The following ZBTB10 variants were observed in gnomAD, a reference collection of about 807,000 sequenced individuals.
ZBTB10 encodes the protein zinc finger and BTB domain containing 10.
Under a neutral mutation model 76.4 loss-of-function variants are expected in ZBTB10, and 32 were observed. The ratio of observed to expected loss-of-function variants is 0.42; its 90% CI spans 0.32 to 0.56. The LOEUF (loss-of-function observed/expected upper bound fraction) is 0.56, where lower values mean the gene tolerates loss of function less well. Among genes scored for constraint, ZBTB10 ranks in the 20% least tolerant of loss-of-function variants. ZBTB10 has a pLI of 0.14. For missense variants in ZBTB10, 1,057 were observed against 1,098.5 expected (o/e 0.96, Z 0.53); for synonymous variants, 523 against 432.9 (o/e 1.21, Z -2.58).
intron 2 of ZBTB10, among the ~76,000 whole-genome samples, chr8:80,505,914 AATTT>A (rs1458971623): frequency 1.7e-5 from 2 of 117,256 alleles, no homozygotes; most frequent in African/African-American, 9.7e-5. Context: ...ATGCCTGGCT[AATTT>A]TTTTTTTTTT....
intron 2 of ZBTB10, among the ~76,000 whole-genome samples, chr8:80,507,199 T>A (rs1563463471): frequency 6.6e-6 from 1 of 151,754 alleles, no homozygotes; most frequent in East Asian, 2.0e-4. Context: ...TCCCAGCTAC[T>A]CGGGAGGCTG....
upstream of ZBTB10, chr8:80,485,841 C>T (rs1481100318): frequency 3.1e-5 from 47 of 1,535,892 alleles, no homozygotes; most frequent in Non-Finnish European, 3.9e-5. Context: ...CCCAGGTGAA[C>T]TCGTGGCGAG....
Position 80,520,375 on chromosome 8 carries a change from G to T in ZBTB10, c.*847G>T, listed in dbSNP as rs1207986819. On this transcript the variant is annotated 3_prime_UTR_variant, in exon 6 of 6. Coordinates refer to ENST00000455036, the MANE Select transcript of ZBTB10 (RefSeq NM_001105539.3). ...TTTTCTGACATGGTATTTGGTTTTGGGTATCTGTTACTTTGGCACTATTCT... is the reference window on the plus strand; with the variant it reads ...TTTTCTGACATGGTATTTGGTTTTGTGTATCTGTTACTTTGGCACTATTCT... The T allele has an allele frequency of 1.3e-5, 2 of 152,208 alleles. No individual in the cohort carries two copies. The highest frequency in any genetic ancestry group is 2.9e-5 in the Non-Finnish European group (2 of 67,862). The allele number at this position is 152,208 out of a possible 1,614,324, so 9.4% of individuals were successfully genotyped here. A position where few individuals can be genotyped will look rare whatever the true frequency, so the allele number is the denominator to read the frequency against.
Position 80,519,733 on chromosome 8 carries a change from G to A in ZBTB10, c.*205G>A. On this transcript the variant is annotated 3_prime_UTR_variant, in exon 6 of 6. Transcript: ENST00000455036. Reference sequence around the variant, plus strand: ...CTATACAGCAAACAACCATGTGGTTGGATTACATGGAGTCCCCACATACTC... The same window carrying A: ...CTATACAGCAAACAACCATGTGGTTAGATTACATGGAGTCCCCACATACTC... 2 of 483,642 alleles carry A rather than the reference G, an allele frequency of 4.1e-6. No individual in the cohort carries two copies. The highest frequency in any genetic ancestry group is 4.2e-5 in the South Asian group (1 of 23,768). 30.0% of individuals were successfully genotyped at this position (483,642 alleles called of 1,614,324 possible).
At chr8:80,513,831 C>T in intron 2 of ZBTB10, 79 bp from the exon 3 acceptor site, 1 of 1,097,044 alleles carries the variant, frequency 9.1e-7, no homozygotes, top group East Asian at 2.5e-5. Flanking sequence ...ATTTAAGAAA[C>T]AGTTCCAAGA....
chr8:80,509,968 C>G (rs1280689394), intron 2 of ZBTB10, among the ~76,000 whole-genome samples: 1 of 151,934 alleles, frequency 6.6e-6, no homozygotes, highest in Non-Finnish European at 1.5e-5. Flanking sequence ...AATAGTACCT[C>G]TCATGAAGAT....
intron 2 of ZBTB10, among the ~76,000 whole-genome samples, chr8:80,507,762 A>AT (rs1219758377): frequency 2.6e-5 from 4 of 151,768 alleles, no homozygotes; most frequent in Admixed American, 2.0e-4. Flanking sequence ...CTCTTGGCTA[A>AT]TTTTTTTTAG....
chr8:80,510,183 A>T (rs146853226), intron 2 of ZBTB10, among the ~76,000 whole-genome samples: 127 of 152,338 alleles, frequency 8.3e-4, no homozygotes, highest in African/African-American at 2.9e-3. Context: ...AGTGGAATTA[A>T]TGTTTATTTT....
At position 80,519,911 on chromosome 8, in the gene ZBTB10, A is replaced by G. The variant is rs984377417; in HGVS notation, c.*383A>G. On this transcript the variant is annotated 3_prime_UTR_variant, in exon 6 of 6. Coordinates refer to ENST00000455036, the MANE Select transcript of ZBTB10 (RefSeq NM_001105539.3). ...ATGGAAGTACAGTGACAATTGACCCAATCACTCTGTCCATCAAACCACTCA... is the reference window on the plus strand; with the variant it reads ...ATGGAAGTACAGTGACAATTGACCCGATCACTCTGTCCATCAAACCACTCA... The G allele has an allele frequency of 1.9e-5, 3 of 160,370 alleles. No individual in the cohort carries two copies. The highest frequency in any genetic ancestry group is 7.2e-5 in the African/African-American group (3 of 41,554). 9.9% of individuals were successfully genotyped at this position (160,370 alleles called of 1,614,324 possible). A position where few individuals can be genotyped will look rare whatever the true frequency, so the allele number is the denominator to read the frequency against.
chr8:80,495,468 C>T (rs1815759430), intron 1 of ZBTB10, among the ~76,000 whole-genome samples: 1 of 150,970 alleles, frequency 6.6e-6, no homozygotes, highest in South Asian at 2.1e-4. Flanking sequence ...ATCCACCCAT[C>T]CCACTCTTGG....
chr8:80,488,493 AAG>A (rs1815541595), intron 1 of ZBTB10, among the ~76,000 whole-genome samples: 1 of 152,240 alleles, frequency 6.6e-6, no homozygotes, highest in East Asian at 1.9e-4. Flanking sequence ...CCTTTTCAGA[AAG>A]ATTTTTAAAT....
At position 80,499,932 on chromosome 8, in the gene ZBTB10, G is replaced by A. The variant is rs1815878248; in HGVS notation, c.1411G>A (p.Ala471Thr). 6 of 1,613,896 alleles carry A rather than the reference G, an allele frequency of 3.7e-6. No homozygotes were observed. Among genetic ancestry groups the A allele is most frequent in the Non-Finnish European group, 5.1e-6 (6 of 1,179,874 alleles). ...CTTAAATATAAGCATTAAATCAGAA[G>A]CTCCAGAGTCTGTAGTTGTGGACTA... ...DALNISIKSEAPESVVVDYNN... is the reference protein window; with the variant it reads ...DALNISIKSETPESVVVDYNN... Residue 471 changes from alanine (A) to threonine (T), a missense_variant, in exon 2 of 6, where the codon GCT becomes ACT. This residue lies in a region of ZBTB10 where 306 missense variants were observed against 297.5 expected (regional missense o/e 1.03). Coordinates refer to ENST00000455036, the MANE Select transcript of ZBTB10 (RefSeq NM_001105539.3).
rs549834147 is a variant in ZBTB10, at chr8:80,506,351, T to C, written c.1861+5969T>C. ...TTTTTTTGAGATAGAGTTTCACTCT[T>C]GTTGCCCAGGCTGGAGTGCAGTGGC... On this transcript the variant is annotated intron_variant, in intron 2 of 5. Coordinates refer to ENST00000455036, the MANE Select transcript of ZBTB10 (RefSeq NM_001105539.3). Among the ~76,000 whole-genome samples the C allele has an allele frequency of 1.8e-4, 27 of 152,258 alleles. No individual in the cohort carries two copies. The South Asian group carries it at 4.8e-3, about 27-fold the overall frequency.
rs775430396 is a variant in ZBTB10 at position 80,518,505 on chromosome 8, T to C, written c.2063T>C (p.Ile688Thr). The change falls in exon 4 of 6, where the codon ATA (isoleucine) becomes ACA (threonine). Residue 688 changes from isoleucine (I) to threonine (T), a missense_variant. Transcript: ENST00000455036. ...GTSNDFKYGL[I>T]PGASNDFKYG... ...TCAAATGATTTCAAGTATGGATTGA[T>C]ACCAGGTGCTTCAAATGATTTCAAG... 7 of 1,553,406 alleles carry C rather than the reference T, an allele frequency of 4.5e-6. No individual in the cohort carries two copies. The South Asian group carries it at 8.3e-5, about 18-fold the overall frequency.
At position 80,492,826 on chromosome 8, in the gene ZBTB10, C is replaced by CTT. The variant is rs1422962845; in HGVS notation, c.972+5045_972+5046dup. Among the ~76,000 whole-genome samples the CTT allele has an allele frequency of 2.0e-5, 3 of 152,172 alleles. No homozygotes were observed. The East Asian group carries it at 5.8e-4, about 29-fold the overall frequency. ...TTCTACCTGCAAAGGTTGGAAGAAG[C>CTT]TTGTACAACTGATTCTTGAATTTTA... On this transcript the variant is annotated intron_variant, in intron 1 of 5. Coordinates refer to ENST00000455036, the MANE Select transcript of ZBTB10 (RefSeq NM_001105539.3).
At chr8:80,503,168 C>A (rs272618) in intron 2 of ZBTB10, among the ~76,000 whole-genome samples, 382 of 152,244 alleles carry the variant, frequency 2.5e-3, no homozygotes, top group Middle Eastern at 6.8e-3. Context: ...AGCTCTTGTC[C>A]TCAGTTTCCT....
Position 80,500,358 on chromosome 8 carries a change from A to G in ZBTB10, c.1837A>G (p.Thr613Ala). ...QPPVAYPEEN[T>A]LLIKEEPDLD... ...ACCTGTTGCCTATCCAGAAGAAAATACACTACTCATCAAGGAAGAACCAGG... is the reference window on the plus strand; with the variant it reads ...ACCTGTTGCCTATCCAGAAGAAAATGCACTACTCATCAAGGAAGAACCAGG... Residue 613 changes from threonine (T) to alanine (A), a missense_variant, in exon 2 of 6, where the codon ACA becomes GCA. Around this residue, in one of 5 missense-constraint regions of ZBTB10, gnomAD observed 306 missense variants for 297.5 expected, o/e 1.03. Coordinates refer to ENST00000455036, the MANE Select transcript of ZBTB10 (RefSeq NM_001105539.3). 2.5e-6 allele frequency: 4 copies of G among 1,576,302 alleles called. No individual in the cohort carries two copies. Among genetic ancestry groups the G allele is most frequent in the Non-Finnish European group, 3.4e-6 (4 of 1,161,924 alleles).
chr8:80,520,635 T>A lies in ZBTB10; in HGVS notation c.*1107T>A, dbSNP rs1224253877. The A allele has an allele frequency of 6.6e-6, 1 of 152,198 alleles. No homozygotes were observed. The highest frequency in any genetic ancestry group is 1.5e-5 in the Non-Finnish European group (1 of 67,930). 9.4% of individuals were successfully genotyped at this position (152,198 alleles called of 1,614,324 possible). A position where few individuals can be genotyped will look rare whatever the true frequency, so the allele number is the denominator to read the frequency against. ...CTCTTTTGTTTCATACTTAGCGGGA[T>A]ATTGATTGTTTTGAAATTATGATCA... On this transcript the variant is annotated 3_prime_UTR_variant, in exon 6 of 6. Coordinates refer to ENST00000455036, the MANE Select transcript of ZBTB10 (RefSeq NM_001105539.3).
In ZBTB10 at chr8:80,499,811, G is replaced by A. The variant is rs760293681; in HGVS notation, c.1290G>A (p.Val430=). The change falls in exon 2 of 6, where the codon GTG becomes GTA. Residue 430 remains valine (V), a synonymous_variant. Coordinates refer to ENST00000455036, the MANE Select transcript of ZBTB10 (RefSeq NM_001105539.3). ...ACTTCTTGTATTCTGGTAACCTGGT[G>A]CTCACAAGCCAAAATGCCATTGAAG... is the stretch of plus-strand genomic sequence containing the variant. ...ILDFLYSGNL[V]LTSQNAIEVM... is the part of the protein sequence containing the mutation. 6.2e-7 allele frequency: 1 copy of A among 1,613,944 alleles called. No homozygotes were observed. Among genetic ancestry groups the A allele is most frequent in the South Asian group, 1.1e-5 (1 of 91,080 alleles).
Sources: gnomAD v4.1 joint callset for allele counts (sites outside exome capture counted in the v4.1 genomes callset) on GRCh38, gnomAD v4.1.1 for gene constraint, gnomAD v4.1.1 regional missense constraint, MANE v1.5 for transcripts, NCBI Gene and HGNC (gene_info 2026-07-23, HGNC 2026-07-21) for gene names.